The following ESRRG variants were observed in gnomAD, a reference collection of about 807,000 sequenced individuals.
ESRRG encodes the protein estrogen-related receptor gamma.
A neutral mutation model predicts 44.0 loss-of-function variants in ESRRG; 13 were observed. The observed-to-expected ratio is 0.30, with a 90% CI of 0.19 to 0.47. The LOEUF is 0.47. Among genes scored for constraint, ESRRG ranks in the 20% least tolerant of loss-of-function variants. The pLI is 1.00. For missense variants in ESRRG, 395 were observed against 580.6 expected (o/e 0.68, Z 3.29); for synonymous variants, 215 against 214.6 (o/e 1.00, Z -0.02).
At position 216,997,426 on chromosome 1, in the gene ESRRG, A is replaced by AG. The variant is rs771640199; in HGVS notation, c.-105-57754dup. 1.2e-4 allele frequency among the ~76,000 whole-genome samples: 18 copies of AG among 152,300 alleles called. No homozygotes were observed. The East Asian group carries it at 2.9e-3, about 24-fold the overall frequency. On this transcript the variant is annotated intron_variant, in intron 1 of 7. Coordinates refer to the ESRRG transcript ENST00000359162. ...GACCAATGTCTGGCTTTTCCTCCCC[A>AG]GATGTACAGAAAAAGAATGAACAGC...
chr1:216,973,633 C>G (rs181295141), intron 1 of ESRRG, among the ~76,000 whole-genome samples: 12 of 152,142 alleles, frequency 7.9e-5, no homozygotes, highest in African/African-American at 2.9e-4. Flanking sequence ...TCGAGACCAG[C>G]CTGACTAACA....
In ESRRG at chr1:217,121,117, A is replaced by AATAT. The variant is rs1175277045; in HGVS notation, c.-230+16549_-230+16550insATAT. ...GTGTCAGCTGTGTCGGGTCTTGAAG[A>AATAT]ATACACACACACACACACACACACA... On this transcript the variant is annotated intron_variant, in intron 1 of 8. Transcript: ENST00000366940. 2.8e-3 allele frequency among the ~76,000 whole-genome samples: 264 copies of AATAT among 94,036 alleles called. 1 individual carries two copies. Among genetic ancestry groups the AATAT allele is most frequent in the African/African-American group, 8.2e-3 (255 of 30,988 alleles). 61.7% of individuals were successfully genotyped at this position (94,036 alleles called of 152,430 possible). A position where few individuals can be genotyped will look rare whatever the true frequency, so the allele number is the denominator to read the frequency against.
chr1:217,105,692 C>T (rs961858543), intron 1 of ESRRG, among the ~76,000 whole-genome samples: 2 of 152,134 alleles, frequency 1.3e-5, no homozygotes, highest in African/African-American at 4.8e-5. Context: ...ACAGATCCTG[C>T]ATACTATTCT....
chr1:217,130,004 A>T (rs1264876878), intron 1 of ESRRG, among the ~76,000 whole-genome samples: 1 of 152,176 alleles, frequency 6.6e-6, no homozygotes, highest in African/African-American at 2.4e-5. Flanking sequence ...AGTAAATATT[A>T]ACTTGAACCC....
intron 3 of ESRRG, among the ~76,000 whole-genome samples, chr1:216,588,048 G>C (rs1259559549): frequency 6.6e-6 from 1 of 152,156 alleles, no homozygotes; most frequent in Non-Finnish European, 1.5e-5. Context: ...AGATAGTCCT[G>C]TGAATTTTTC....
intron 2 of ESRRG, among the ~76,000 whole-genome samples, chr1:216,895,778 T>C (rs981353502): frequency 3.2e-4 from 49 of 152,180 alleles, no homozygotes; most frequent in Admixed American, 2.2e-3. Flanking sequence ...AAAAGAGCTC[T>C]TATCTTGTGC....
At chr1:216,516,668 C>CACACACAG (rs376701865) in intron 6 of ESRRG, among the ~76,000 whole-genome samples, 135 of 137,240 alleles carry the variant, frequency 9.8e-4, no homozygotes, top group African/African-American at 3.8e-3. Flanking sequence ...CACACACACA[C>CACACACAG]AGAGAGAGAG....
At chr1:216,758,793 A>G (rs1396415088) in intron 2 of ESRRG, among the ~76,000 whole-genome samples, 6 of 151,926 alleles carry the variant, frequency 3.9e-5, no homozygotes, top group African/African-American at 1.5e-4. Context: ...GGGGTTATGT[A>G]CTCCCAAAAG....
At chr1:216,522,329 A>T (rs2046357888) in intron 5 of ESRRG, among the ~76,000 whole-genome samples, 1 of 139,818 alleles carries the variant, frequency 7.2e-6, no homozygotes, top group Non-Finnish European at 1.5e-5. Flanking sequence ...AAGGTTTGAC[A>T]CATTTGCTTG....
intron 3 of ESRRG, among the ~76,000 whole-genome samples, chr1:216,622,672 G>T (rs1054122419): frequency 2.6e-5 from 4 of 151,508 alleles, no homozygotes; most frequent in Non-Finnish European, 5.9e-5. Context: ...TATTTCATTG[G>T]TAGGGCATGC....
At chr1:216,888,800 T>A (rs2057391256) in intron 2 of ESRRG, among the ~76,000 whole-genome samples, 1 of 152,126 alleles carries the variant, frequency 6.6e-6, no homozygotes, top group African/African-American at 2.4e-5. Flanking sequence ...GCGTTTACGT[T>A]CTCAGGGCTA....
intron 1 of ESRRG, among the ~76,000 whole-genome samples, chr1:217,043,852 A>G (rs372160819): frequency 6.6e-6 from 1 of 152,116 alleles, no homozygotes; most frequent in Non-Finnish European, 1.5e-5. Flanking sequence ...TCCCTCCTTA[A>G]TACTAACTCA....
At chr1:216,793,419 A>G (rs2148131541) in intron 2 of ESRRG, among the ~76,000 whole-genome samples, 1 of 152,256 alleles carries the variant, frequency 6.6e-6, no homozygotes, top group South Asian at 2.1e-4. Flanking sequence ...TCTGTCTCTC[A>G]GGTAATTTGC....
intron 1 of ESRRG, among the ~76,000 whole-genome samples, chr1:216,991,046 G>A (rs956145471): frequency 3.3e-5 from 5 of 151,988 alleles, no homozygotes; most frequent in Non-Finnish European, 5.9e-5. Flanking sequence ...TCTGCCTCCT[G>A]TCAGATCAGC....
At chr1:216,576,467 T>C (rs1040902925) in intron 3 of ESRRG, among the ~76,000 whole-genome samples, 41 of 152,036 alleles carry the variant, frequency 2.7e-4, no homozygotes, top group African/African-American at 9.4e-4. Context: ...GGTCTCCTGA[T>C]AGCTATCTGG....
At chr1:216,768,651 G>C (rs1312059746) in intron 2 of ESRRG, among the ~76,000 whole-genome samples, 1 of 151,964 alleles carries the variant, frequency 6.6e-6, no homozygotes, top group Non-Finnish European at 1.5e-5. Flanking sequence ...CACCACATCT[G>C]GCTAATTTTT....
intron 1 of ESRRG, among the ~76,000 whole-genome samples, chr1:216,943,798 C>T (rs765600067): frequency 1.2e-4 from 18 of 152,104 alleles, no homozygotes; most frequent in Non-Finnish European, 2.2e-4. Context: ...AGATCCCCTA[C>T]CATACGTTAT....
intron 3 of ESRRG, among the ~76,000 whole-genome samples, chr1:216,592,764 T>C (rs1453017624): frequency 6.6e-6 from 1 of 152,150 alleles, no homozygotes; most frequent in Non-Finnish European, 1.5e-5. Flanking sequence ...CCTCCCAAAG[T>C]GCTGGAATTA....
intron 2 of ESRRG, among the ~76,000 whole-genome samples, chr1:216,660,112 AT>A (rs1436558629): frequency 6.6e-6 from 1 of 152,200 alleles, no homozygotes; most frequent in Non-Finnish European, 1.5e-5. Flanking sequence ...GAGATTCTAA[AT>A]TCCAGTTGCT....
Sources: allele counts gnomAD v4.1 joint callset (sites outside exome capture counted in the v4.1 genomes callset), GRCh38; gene constraint gnomAD v4.1.1; transcripts MANE v1.5; gene names NCBI Gene and HGNC (gene_info 2026-07-23, HGNC 2026-07-21).